Variants in RDH12 observed in about 807,000 individuals in gnomAD.
RDH12 encodes all-trans and 9-cis retinol dehydrogenase.
In RDH12, 21 loss-of-function variants were observed where a neutral mutation model predicts 34.0. The ratio of observed to expected loss-of-function variants is 0.62; its 90% CI spans 0.44 to 0.89. The LOEUF (loss-of-function observed/expected upper bound fraction) is 0.89, where lower values mean the gene tolerates loss of function less well. RDH12 is among the 40% of genes least tolerant of loss of function. The pLI is 0.00. For missense variants in RDH12, 394 were observed against 398.6 expected, an observed-to-expected ratio of 0.99 and a Z score of 0.10; for synonymous variants, 198 against 169.9, an observed-to-expected ratio of 1.17 and a Z score of -1.29.
rs2140120595 is a variant in RDH12 at position 67,713,248 on chromosome 14, A to ACAAG, written c.-274-7597_-274-7596insGCAA. Among the ~76,000 whole-genome samples the ACAAG allele has an allele frequency of 2.0e-5, 3 of 148,396 alleles. 1 individual carries two copies. In the South Asian group the frequency reaches 6.4e-4, roughly 32 times the overall value. On this transcript the variant is annotated intron_variant, in intron 1 of 8. Transcript: ENST00000551171. Reference sequence around the variant, plus strand: ...ACCATCCTAGAAGCAGGAAAAACAAACAAACAAACAAACAAACAAAAAACA... The same window carrying ACAAG: ...ACCATCCTAGAAGCAGGAAAAACAAACAAGCAAACAAACAAACAAACAAAAAACA...
rs376787473 is a variant in RDH12, at chr14:67,729,287, C to A, written c.755C>A (p.Ser252Tyr). The part of the protein sequence containing the change: ...SLLCLLWRLF[S>Y]PFVKTAREGA... ...CTCTGCCTGCTCTGGCGGCTCTTCTCCCCCTTTGTCAAGACGGCACGGGAG... is the reference window on the plus strand; with the variant it reads ...CTCTGCCTGCTCTGGCGGCTCTTCTACCCCTTTGTCAAGACGGCACGGGAG... Residue 252 changes from serine (S) to tyrosine (Y), a missense_variant, in exon 8 of 9, where the codon TCC becomes TAC. Transcript: ENST00000551171. 1.7e-5 allele frequency: 27 copies of A among 1,604,592 alleles called. No individual in the cohort carries two copies. Among genetic ancestry groups the A allele is most frequent in the Non-Finnish European group, 2.2e-5 (26 of 1,179,960 alleles).
At chr14:67,726,567 G>C (rs982918135) in intron 6 of RDH12, among the ~76,000 whole-genome samples, 1 of 152,124 alleles carries the variant, frequency 6.6e-6, no homozygotes, top group Non-Finnish European at 1.5e-5. Context: ...AGGCAGGGTG[G>C]GGTTCAGCGT....
chr14:67,731,473 CCAAAG>C (rs1412225583), intron 8 of RDH12, among the ~76,000 whole-genome samples: 1 of 151,974 alleles, frequency 6.6e-6, no homozygotes, highest in Non-Finnish European at 1.5e-5. Flanking sequence ...CCTCAGCCTC[CCAAAG>C]TGCTGGGATT....
chr14:67,716,260 A>T (rs1267684955), intron 1 of RDH12, among the ~76,000 whole-genome samples: 1 of 152,040 alleles, frequency 6.6e-6, no homozygotes, highest in Non-Finnish European at 1.5e-5. Flanking sequence ...AACCGCTGTG[A>T]CTGCTGTACA....
chr14:67,711,511 T>C (rs1033950415), intron 1 of RDH12, among the ~76,000 whole-genome samples: 2 of 152,242 alleles, frequency 1.3e-5, no homozygotes, highest in African/African-American at 4.8e-5. Flanking sequence ...TTTGATGATT[T>C]AAGTGCTTTT....
rs2038321624 is a variant in RDH12, at chr14:67,734,054, A to G, written c.*206A>G. 3 of 466,100 alleles carry G rather than the reference A, an allele frequency of 6.4e-6. No homozygotes were observed. The East Asian group carries it at 1.4e-4, about 21-fold the overall frequency. The allele number at this position is 466,100 out of a possible 1,614,324, so 28.9% of individuals were successfully genotyped here. ...TATGGCATGAGTTGTGGACACCTAT[A>G]GAGTGTTCTTCTCTAAGACCTGGAA... On this transcript the variant is annotated 3_prime_UTR_variant, in exon 9 of 9. Transcript: ENST00000551171.
chr14:67,734,119 C>T lies in RDH12; in HGVS notation c.*271C>T, dbSNP rs114660860. The T allele has an allele frequency of 1.2e-3, 415 of 351,976 alleles. 2 individuals carry two copies. The highest frequency in any genetic ancestry group is 8.1e-3 in the African/African-American group (384 of 47,426). 21.8% of individuals were successfully genotyped at this position (351,976 alleles called of 1,614,324 possible). A position where few individuals can be genotyped will look rare whatever the true frequency, so the allele number is the denominator to read the frequency against. On this transcript the variant is annotated 3_prime_UTR_variant, in exon 9 of 9. Coordinates refer to ENST00000551171, the MANE Select transcript of RDH12 (RefSeq NM_152443.3). ...TGGGGGCAGCAGGACTGGGCAGATC[C>T]CAGGCTGGGCATGGGGGTGGCAGAA...
Position 67,725,120 on chromosome 14 carries a change from G to A in RDH12, c.209G>A (p.Cys70Tyr). The A allele has an allele frequency of 5.6e-6, 9 of 1,614,190 alleles. No homozygotes were observed. The highest frequency in any genetic ancestry group is 7.6e-6 in the Non-Finnish European group (9 of 1,180,030). The part of the protein sequence containing the change: ...ASRGARVYIA[C>Y]RDVLKGESAA... ...CCAGGAGCCCGAGTCTATATTGCCT[G>A]CAGAGATGTACTGAAGGGGGAGTCT... Residue 70 changes from cysteine to tyrosine, a missense_variant, in exon 5 of 9, where the codon TGC becomes TAC. Cys to Tyr is a radical substitution (Grantham distance 194, BLOSUM62 -2). Transcript: ENST00000551171.
intron 1 of RDH12, chr14:67,717,878 A>G (rs2038084445): frequency 2.6e-5 from 4 of 152,254 alleles, no homozygotes; most frequent in Non-Finnish European, 5.9e-5. Context: ...AGCATGGGCA[A>G]CACAGTGAGA....
chr14:67,728,713 G>GGT (rs2038224688), intron 7 of RDH12, among the ~76,000 whole-genome samples: 1 of 150,126 alleles, frequency 6.7e-6, no homozygotes, highest in East Asian at 2.0e-4. Context: ...TGGGGGGGGG[G>GGT]TGTTAATCCC....
intron 3 of RDH12, among the ~76,000 whole-genome samples, chr14:67,723,706 T>C (rs929039414): frequency 6.6e-6 from 1 of 152,182 alleles, no homozygotes; most frequent in African/African-American, 2.4e-5. Context: ...CTGGAGAAGT[T>C]GAGAGGATTA....
chr14:67,728,710 G>GGC (rs993984949), intron 7 of RDH12, among the ~76,000 whole-genome samples: 4 of 150,980 alleles, frequency 2.6e-5, no homozygotes, highest in East Asian at 1.9e-4. Context: ...TTGTGGGGGG[G>GGC]GGGTGTTAAT....
intron 1 of RDH12, among the ~76,000 whole-genome samples, chr14:67,717,245 T>TGA (rs1353982693): frequency 6.6e-6 from 1 of 152,220 alleles, no homozygotes; most frequent in Non-Finnish European, 1.5e-5. Context: ...AAAGTCCTGT[T>TGA]GAGAGATAGA....
rs762599857 is a variant in RDH12, at chr14:67,733,838, G to A, written c.941G>A (p.Arg314Gln). The change falls in exon 9 of 9, where the codon CGG becomes CAG. Residue 314 changes from arginine to glutamine, a missense_variant. Transcript: ENST00000551171. ...WNVSCELLGI[R>Q]WE ...GTCAGCTGTGAGCTTCTAGGAATCCGGTGGGAGTAGCTGGTGGAAGAGCTG... is the reference window on the plus strand; with the variant it reads ...GTCAGCTGTGAGCTTCTAGGAATCCAGTGGGAGTAGCTGGTGGAAGAGCTG... 9.9e-6 allele frequency: 16 copies of A among 1,611,116 alleles called. No homozygotes were observed. The highest frequency in any genetic ancestry group is 2.7e-5 in the African/African-American group (2 of 74,862).
chr14:67,729,375 C>A lies in RDH12; in HGVS notation c.843C>A (p.Tyr281Ter), dbSNP rs1344063890. 1 of 1,597,450 alleles carries A rather than the reference C, an allele frequency of 6.3e-7. No homozygotes were observed. The highest frequency in any genetic ancestry group is 8.5e-7 in the Non-Finnish European group (1 of 1,179,720). ...AEGLEPLSGKYFSDCKRTWVS... is the reference protein window; with the variant it reads ...AEGLEPLSGK ...GCCTGGAGCCCCTGAGTGGCAAGTA[C>A]TTCAGGTGTGTGAAGGCAATGCGGT... The change falls in exon 8 of 9, where the codon TAC becomes TAA. Residue 281 changes from tyrosine (Y) to a stop codon, truncating the protein, a stop_gained. Transcript: ENST00000551171. LOFTEE classifies it high-confidence loss of function.
intron 1 of RDH12, among the ~76,000 whole-genome samples, chr14:67,710,183 G>C (rs985907412): frequency 6.6e-6 from 1 of 152,134 alleles, no homozygotes; most frequent in Non-Finnish European, 1.5e-5. Flanking sequence ...TGACCACTTT[G>C]GGTACATGTC....
At position 67,722,010 on chromosome 14, in the gene RDH12, A is replaced by G. The variant is rs563358322; in HGVS notation, c.-219-414A>G. ...AAAGTGCACAAGTCGAAAGCATACG[A>G]CTCAGCAGATTTTCATAAAGTGAGC... is the stretch of plus-strand genomic sequence containing the variant. On this transcript the variant is annotated intron_variant, in intron 2 of 8. Transcript: ENST00000551171. Among the ~76,000 whole-genome samples, 8 of 152,234 alleles carry G rather than the reference A, an allele frequency of 5.3e-5. No individual in the cohort carries two copies. In the South Asian group the frequency reaches 1.7e-3, roughly 32 times the overall value.
At chr14:67,730,313 A>G (rs1455004852) in intron 8 of RDH12, among the ~76,000 whole-genome samples, 1 of 152,184 alleles carries the variant, frequency 6.6e-6, no homozygotes, top group East Asian at 1.9e-4. Flanking sequence ...CACTAGCCAC[A>G]TGTTGCTATT....
At chr14:67,725,059 A>G (rs1164109676) in intron 4 of RDH12, 40 bp from the exon 5 acceptor site, 1 of 1,610,892 alleles carries the variant, frequency 6.2e-7, no homozygotes, top group Non-Finnish European at 8.5e-7. Flanking sequence ...TTTATAGCCT[A>G]GGATATGAAC....
Sources: allele counts gnomAD v4.1 joint callset (sites outside exome capture counted in the v4.1 genomes callset), GRCh38; gene constraint gnomAD v4.1.1; transcripts MANE v1.5; gene names NCBI Gene and HGNC (gene_info 2026-07-23, HGNC 2026-07-21).